Variants in HIVEP3 observed in about 807,000 individuals in gnomAD.
HIVEP3 encodes HIVEP zinc finger 3.
In HIVEP3, 49 loss-of-function variants were observed where a neutral mutation model predicts 152.8. That is an observed-to-expected ratio of 0.32 (90% CI 0.26 to 0.41). The LOEUF (loss-of-function observed/expected upper bound fraction) is 0.41, where lower values mean the gene tolerates loss of function less well. HIVEP3 is among the 10% of genes least tolerant of loss of function. The pLI is 1.00. For missense variants in HIVEP3, 2,790 were observed against 3,103.3 expected, an observed-to-expected ratio of 0.90 and a Z score of 2.40; for synonymous variants, 1,269 against 1,289.0, an observed-to-expected ratio of 0.98 and a Z score of 0.33.
intron 1 of HIVEP3, among the ~76,000 whole-genome samples, chr1:41,720,445 C>T (rs1242072834): frequency 2.0e-5 from 3 of 152,240 alleles, no homozygotes; most frequent in Non-Finnish European, 4.4e-5. Context: ...AGTTCCAGCA[C>T]TGAATATACT....
intron 1 of HIVEP3, among the ~76,000 whole-genome samples, chr1:41,782,731 C>CAAAAAAAAAAAAA (rs10714772): frequency 1.8e-5 from 2 of 113,578 alleles, no homozygotes; most frequent in Non-Finnish European, 1.9e-5. Flanking sequence ...GACTCCATCT[C>CAAAAAAAAAAAAA]AAAAAAAAAA....
At chr1:41,879,448 G>A (rs959812701) in intron 1 of HIVEP3, among the ~76,000 whole-genome samples, 1 of 152,200 alleles carries the variant, frequency 6.6e-6, no homozygotes, top group Non-Finnish European at 1.5e-5. Flanking sequence ...CAGCCATTTG[G>A]TTTTGAATGA....
At position 41,867,522 on chromosome 1, in the gene HIVEP3, A is replaced by G. The variant is rs140482478; in HGVS notation, c.-801+50891T>C. ...TCTCTAGCCTGACTCCTCCAGACTC[A>G]TTCCAGCTGCACGTGGCACCTGTAC... On this transcript the variant is annotated intron_variant, in intron 1 of 8. Coordinates refer to ENST00000372583, the MANE Select transcript of HIVEP3 (RefSeq NM_024503.5). Among the ~76,000 whole-genome samples, 7 of 152,252 alleles carry G rather than the reference A, an allele frequency of 4.6e-5. No homozygotes were observed. In the East Asian group the frequency reaches 5.8e-4, roughly 13 times the overall value.
intron 1 of HIVEP3, among the ~76,000 whole-genome samples, chr1:41,834,459 G>A (rs1277019947): frequency 6.6e-6 from 1 of 152,182 alleles, no homozygotes; most frequent in African/African-American, 2.4e-5. Flanking sequence ...CACACCAAGT[G>A]TTCAGTAAGT....
chr1:41,909,109 C>T (rs533596674), intron 1 of HIVEP3, among the ~76,000 whole-genome samples: 8 of 152,212 alleles, frequency 5.3e-5, no homozygotes, highest in South Asian at 2.1e-4. Context: ...AAACAGAGGA[C>T]AGTTGAATAA....
intron 1 of HIVEP3, among the ~76,000 whole-genome samples, chr1:41,903,776 G>GC (rs1644664352): frequency 1.2e-5 from 1 of 81,328 alleles, no homozygotes; most frequent in Non-Finnish European, 2.3e-5. Flanking sequence ...GTACACACAT[G>GC]CTTGCCTCTT....
intron 5 of HIVEP3, among the ~76,000 whole-genome samples, chr1:41,526,874 C>T (rs1475247796): frequency 6.9e-6 from 1 of 144,650 alleles, no homozygotes; most frequent in East Asian, 2.1e-4. Flanking sequence ...CACACACAGC[C>T]TCACAAGCTC....
intron 3 of HIVEP3, among the ~76,000 whole-genome samples, chr1:41,615,978 C>G (rs936056450): frequency 6.6e-6 from 1 of 151,846 alleles, no homozygotes; most frequent in Non-Finnish European, 1.5e-5. Context: ...TGTGTTTTCT[C>G]TCTGCTAAGA....
chr1:41,757,350 G>A (rs927580311), intron 1 of HIVEP3, among the ~76,000 whole-genome samples: 13 of 151,724 alleles, frequency 8.6e-5, no homozygotes, highest in Non-Finnish European at 1.3e-4. Context: ...ATCTCCTGAC[G>A]TCGTGATCCA....
At chr1:41,941,411 G>T (rs1159765277) in intron 1 of HIVEP3, among the ~76,000 whole-genome samples, 1 of 152,194 alleles carries the variant, frequency 6.6e-6, no homozygotes, top group East Asian at 1.9e-4. Context: ...TATGATCTAA[G>T]GAGGGACAGA....
intron 1 of HIVEP3, among the ~76,000 whole-genome samples, chr1:41,861,348 C>T (rs532516201): frequency 6.6e-6 from 1 of 152,230 alleles, no homozygotes; most frequent in African/African-American, 2.4e-5. Flanking sequence ...AGTTGCTCTA[C>T]TCTAAGGGCT....
intron 7 of HIVEP3, 77 bp from the exon 8 acceptor site, chr1:41,513,827 C>A: frequency 1.6e-6 from 2 of 1,246,762 alleles, no homozygotes; most frequent in Non-Finnish European, 2.1e-6. Flanking sequence ...CCTCTCTGAG[C>A]CCCAGTTTCC....
At chr1:41,794,179 G>A (rs371525788) in intron 1 of HIVEP3, among the ~76,000 whole-genome samples, 1 of 152,170 alleles carries the variant, frequency 6.6e-6, no homozygotes, top group African/African-American at 2.4e-5. Flanking sequence ...GGAAGACGTA[G>A]GAAGAGCAAT....
At chr1:41,985,964 T>C (rs1407421651) in intron 1 of HIVEP3, among the ~76,000 whole-genome samples, 1 of 152,248 alleles carries the variant, frequency 6.6e-6, no homozygotes, top group Non-Finnish European at 1.5e-5. Flanking sequence ...CCACCCATGT[T>C]AAACCTGTCA....
Position 41,582,866 on chromosome 1 carries a change from T to G in HIVEP3, c.1932A>C (p.Glu644Asp). The change falls in exon 4 of 9, where the codon GAA (glutamate) becomes GAC (aspartate). Residue 644 changes from glutamate (E) to aspartate (D), a missense_variant. Glu to Asp is a conservative substitution (Grantham distance 45, BLOSUM62 2). This residue lies in a region of HIVEP3 where 339 missense variants were observed against 327.0 expected (regional missense o/e 1.04). Coordinates refer to ENST00000372583, the MANE Select transcript of HIVEP3 (RefSeq NM_024503.5). This position sits in a 1 kb window ranked among gnomAD's most constrained non-coding sequence, Gnocchi z 4.7. ...TGTACCGAGCACCACATATGTTACATTCGTAGATCACCCCTTTTGTTTTCA... is the reference window on the plus strand; with the variant it reads ...TGTACCGAGCACCACATATGTTACAGTCGTAGATCACCCCTTTTGTTTTCA... ...KGLKTKGVIYECNICGARYKK... is the reference protein window; with the variant it reads ...KGLKTKGVIYDCNICGARYKK... 6.2e-7 allele frequency: 1 copy of G among 1,614,190 alleles called. No homozygotes were observed. The highest frequency in any genetic ancestry group is 8.5e-7 in the Non-Finnish European group (1 of 1,180,034).
In HIVEP3 at chr1:41,510,527, G is replaced by C. The variant is rs370272503; in HGVS notation, c.7145C>G (p.Ser2382Cys). 7.5e-6 allele frequency: 12 copies of C among 1,592,070 alleles called. No homozygotes were observed. Among genetic ancestry groups the C allele is most frequent in the Non-Finnish European group, 9.4e-6 (11 of 1,169,754 alleles). Residue 2382 changes from serine to cysteine, a missense_variant, in exon 9 of 9, where the codon TCC becomes TGC. Coordinates refer to ENST00000372583, the MANE Select transcript of HIVEP3 (RefSeq NM_024503.5). Reference sequence around the variant, plus strand: ...CTCCCCACTTCCTGAGGGCTTGGGGGAGTCCTGCCTGGTCCTGGGTTCCCC... The same window carrying C: ...CTCCCCACTTCCTGAGGGCTTGGGGCAGTCCTGCCTGGTCCTGGGTTCCCC... ...LSGEPRTRQDSPKPSGSGEPR... is the reference protein window; with the variant it reads ...LSGEPRTRQDCPKPSGSGEPR...
intron 1 of HIVEP3, among the ~76,000 whole-genome samples, chr1:41,815,081 A>G (rs1198779619): frequency 6.6e-6 from 1 of 152,180 alleles, no homozygotes; most frequent in Admixed American, 6.5e-5. Flanking sequence ...GTAAAACAGG[A>G]TGGCCTGGGG....
At chr1:41,733,424 T>A (rs1338947387) in intron 1 of HIVEP3, among the ~76,000 whole-genome samples, 1 of 152,222 alleles carries the variant, frequency 6.6e-6, no homozygotes. Context: ...CCCAGTCACA[T>A]CACAGGCCAT....
rs1276988410 is a variant in HIVEP3, at chr1:41,918,065, T to C, written c.-801+348A>G. Among the ~76,000 whole-genome samples the C allele has an allele frequency of 4.6e-5, 7 of 152,302 alleles. No individual in the cohort carries two copies. The East Asian group carries it at 1.2e-3, about 25-fold the overall frequency. On this transcript the variant is annotated intron_variant, in intron 1 of 8. Coordinates refer to ENST00000372583, the MANE Select transcript of HIVEP3 (RefSeq NM_024503.5). This position sits in a 1 kb window ranked among gnomAD's most constrained non-coding sequence, Gnocchi z 4.3. ...GGGTGCAGAGCCCAGCAGAGCCTGC[T>C]GCAAGCAGCGCTGGAGCGCACGGCG...
Sources: gnomAD v4.1 joint callset for allele counts (sites outside exome capture counted in the v4.1 genomes callset) on GRCh38, gnomAD v4.1.1 for gene constraint, gnomAD v4.1.1 regional missense constraint, Gnocchi (gnomAD v3.1) non-coding constraint, MANE v1.5 for transcripts, NCBI Gene and HGNC (gene_info 2026-07-23, HGNC 2026-07-21) for gene names.